Variants in COL25A1 observed in about 807,000 individuals in gnomAD.
The protein encoded by COL25A1 is collagen alpha-1(XXV) chain.
Under a neutral mutation model 128.4 loss-of-function variants are expected in COL25A1, and 103 were observed. That is an observed-to-expected ratio of 0.80 (90% CI 0.68 to 0.94). COL25A1 has a LOEUF of 0.94. Ranked by LOEUF, COL25A1 falls within the 40% of genes least tolerant of loss-of-function variation. COL25A1 has a pLI of 0.00. For missense variants in COL25A1, 745 were observed against 840.0 expected, an observed-to-expected ratio of 0.89 and a Z score of 1.40; for synonymous variants, 279 against 277.2, an observed-to-expected ratio of 1.01 and a Z score of -0.06.
intron 3 of COL25A1, among the ~76,000 whole-genome samples, chr4:109,162,361 G>T (rs1772659579): frequency 6.6e-6 from 1 of 152,314 alleles, no homozygotes; most frequent in East Asian, 1.9e-4. Flanking sequence ...AGAGTGCTCA[G>T]AAATTAATTT....
At chr4:108,900,270 G>C (rs1305305408) in intron 14 of COL25A1, among the ~76,000 whole-genome samples, 1 of 152,116 alleles carries the variant, frequency 6.6e-6, no homozygotes, top group Non-Finnish European at 1.5e-5. Flanking sequence ...GAGAGAAGAA[G>C]ACAGGAAAAC....
intron 3 of COL25A1, among the ~76,000 whole-genome samples, chr4:109,257,119 A>G (rs750572383): frequency 2.6e-5 from 4 of 152,208 alleles, no homozygotes; most frequent in Non-Finnish European, 4.4e-5. Flanking sequence ...ATAAAAGATC[A>G]TTATATCATT....
chr4:108,964,407 T>C (rs1192372966), intron 8 of COL25A1, among the ~76,000 whole-genome samples: 1 of 147,634 alleles, frequency 6.8e-6, no homozygotes, highest in Non-Finnish European at 1.5e-5. Context: ...AAATGTTCCT[T>C]CTTACTTTCA....
rs144349146 is a variant in COL25A1, at chr4:108,935,375, C to T, written c.708+2433G>A. ...GTCCTTGTTCTTGATCTGGTTTGTA[C>T]ATAGTTTTGTTCACTTGGTGAAAAT... On this transcript the variant is annotated intron_variant, in intron 11 of 37. Coordinates refer to ENST00000399132, the MANE Select transcript of COL25A1 (RefSeq NM_198721.4). Among the ~76,000 whole-genome samples, 1,144 of 152,216 alleles carry T rather than the reference C, an allele frequency of 7.5e-3. 6 individuals are homozygous for T. Among genetic ancestry groups the T allele is most frequent in the Non-Finnish European group, 0.011 (740 of 68,002 alleles).
chr4:108,814,530 AT>A (rs1044430914), intron 37 of COL25A1, among the ~76,000 whole-genome samples: 2 of 149,172 alleles, frequency 1.3e-5, no homozygotes, highest in Non-Finnish European at 2.9e-5. Flanking sequence ...GGCACCGCAG[AT>A]TTCTGGTTTC....
At chr4:108,913,338 C>T (rs1368310332) in intron 13 of COL25A1, among the ~76,000 whole-genome samples, 4 of 135,914 alleles carry the variant, frequency 2.9e-5, no homozygotes, top group East Asian at 5.5e-4. Flanking sequence ...ATGATCTTGG[C>T]TCACTTGCAA....
At chr4:109,080,330 C>T (rs1349342718) in intron 3 of COL25A1, among the ~76,000 whole-genome samples, 8 of 152,016 alleles carry the variant, frequency 5.3e-5, no homozygotes, top group Admixed American at 2.6e-4. Context: ...ACTGTTTCTC[C>T]ATGGATTTTA....
In COL25A1 at chr4:108,810,784, T is replaced by C. The variant is rs1366622514; in HGVS notation, c.*3143A>G. On this transcript the variant is annotated 3_prime_UTR_variant, in exon 38 of 38. Transcript: ENST00000399132. ...GTTTTACATTAAGAAAGCCTGGTCA[T>C]TGGACCATAATTATAGCAAATTCAT... 1 of 152,012 alleles carries C rather than the reference T, an allele frequency of 6.6e-6. No individual in the cohort carries two copies. Among genetic ancestry groups the C allele is most frequent in the Non-Finnish European group, 1.5e-5 (1 of 67,892 alleles). The allele number at this position is 152,012 out of a possible 1,614,324, so 9.4% of individuals were successfully genotyped here. A position where few individuals can be genotyped will look rare whatever the true frequency, so the allele number is the denominator to read the frequency against.
rs529778105 is a variant in COL25A1, at chr4:109,012,818, C to T, written c.421-2443G>A. On this transcript the variant is annotated intron_variant, in intron 5 of 37. Coordinates refer to ENST00000399132, the MANE Select transcript of COL25A1 (RefSeq NM_198721.4). ...ACGGGTGCCGCCCCCTGCTCCGCAGCACCCAGTCCCATCGACAGCCCAAGG... is the reference window on the plus strand; with the variant it reads ...ACGGGTGCCGCCCCCTGCTCCGCAGTACCCAGTCCCATCGACAGCCCAAGG... Among the ~76,000 whole-genome samples, 7 of 152,346 alleles carry T rather than the reference C, an allele frequency of 4.6e-5. No individual in the cohort carries two copies. In the East Asian group the frequency reaches 1.4e-3, roughly 29 times the overall value.
At chr4:109,272,198 C>T (rs1463708295) in intron 3 of COL25A1, among the ~76,000 whole-genome samples, 9 of 152,100 alleles carry the variant, frequency 5.9e-5, no homozygotes, top group Non-Finnish European at 1.0e-4. Flanking sequence ...ATCACCACAG[C>T]ACTCTAGCCT....
intron 3 of COL25A1, 89 bp from the exon 4 acceptor site, chr4:109,050,268 C>T (rs1023652051): frequency 5.3e-5 from 52 of 985,294 alleles, no homozygotes; most frequent in Non-Finnish European, 7.5e-5. Context: ...TATATTTTCT[C>T]ATTGTTTTTA....
chr4:109,155,482 T>A (rs1771941107), intron 3 of COL25A1, among the ~76,000 whole-genome samples: 1 of 152,200 alleles, frequency 6.6e-6, no homozygotes, highest in Admixed American at 6.5e-5. Flanking sequence ...AAGCTCCCTG[T>A]TTCAAAGCTA....
chr4:109,194,760 G>A (rs774542201), intron 3 of COL25A1, among the ~76,000 whole-genome samples: 5 of 151,994 alleles, frequency 3.3e-5, no homozygotes, highest in Non-Finnish European at 5.9e-5. Flanking sequence ...GTATCCATGC[G>A]CTTTATACCA....
intron 3 of COL25A1, among the ~76,000 whole-genome samples, chr4:109,268,388 A>G (rs758694092): frequency 6.6e-6 from 1 of 152,130 alleles, no homozygotes. Context: ...CCACTGCCCA[A>G]GTTTATAAAG....
intron 3 of COL25A1, among the ~76,000 whole-genome samples, chr4:109,126,048 T>C (rs1407235023): frequency 6.6e-6 from 1 of 152,194 alleles, no homozygotes; most frequent in Non-Finnish European, 1.5e-5. Context: ...TTATTTCCTA[T>C]GTGCTTTGCT....
intron 19 of COL25A1, among the ~76,000 whole-genome samples, chr4:108,882,641 TATTA>T (rs1177800078): frequency 6.6e-6 from 1 of 152,198 alleles, no homozygotes; most frequent in Non-Finnish European, 1.5e-5. Context: ...TGAAACCACC[TATTA>T]ATTTGTGAAG....
chr4:108,863,431 C>G lies in COL25A1; in HGVS notation c.1084-44G>C, dbSNP rs781368383. On this transcript the variant is annotated intron_variant, in intron 20 of 37. Coordinates refer to ENST00000399132, the MANE Select transcript of COL25A1 (RefSeq NM_198721.4). ...CAGGTAAATGGTCATTCCCCCCACC[C>G]AGGCTGGTCCCTGTAGATTAATAAA... 6 of 1,530,134 alleles carry G rather than the reference C, an allele frequency of 3.9e-6. No individual in the cohort carries two copies. In the Admixed American group the frequency reaches 6.0e-5, roughly 15 times the overall value. 94.8% of individuals were successfully genotyped at this position (1,530,134 alleles called of 1,614,324 possible). A position where few individuals can be genotyped will look rare whatever the true frequency, so the allele number is the denominator to read the frequency against.
At chr4:108,971,248 G>C (rs1235069845) in intron 8 of COL25A1, among the ~76,000 whole-genome samples, 1 of 152,078 alleles carries the variant, frequency 6.6e-6, no homozygotes, top group Non-Finnish European at 1.5e-5. Flanking sequence ...GGGCCATAAT[G>C]ATATAACAAT....
intron 16 of COL25A1, among the ~76,000 whole-genome samples, chr4:108,896,191 A>C (rs954679348): frequency 2.3e-4 from 35 of 150,776 alleles, no homozygotes; most frequent in African/African-American, 7.6e-4. Flanking sequence ...CTCATGATCC[A>C]CCCGCCTCAG....
Sources: allele counts gnomAD v4.1 joint callset (sites outside exome capture counted in the v4.1 genomes callset), GRCh38; gene constraint gnomAD v4.1.1; transcripts MANE v1.5; gene names NCBI Gene and HGNC (gene_info 2026-07-23, HGNC 2026-07-21).